P3H2: variants seen among roughly 807,000 people sequenced by gnomAD.
The protein encoded by P3H2 is prolyl 3-hydroxylase 2.
In P3H2, 80 loss-of-function variants were observed where a neutral mutation model predicts 87.0. The ratio of observed to expected loss-of-function variants is 0.92; its 90% CI spans 0.77 to 1.11. P3H2 has a LOEUF of 1.11. P3H2 is among the 50% of genes least tolerant of loss of function. P3H2 has a pLI of 0.00. For missense variants in P3H2, 1,001 were observed against 923.9 expected, an observed-to-expected ratio of 1.08 and a Z score of -1.08; for synonymous variants, 367 against 359.3, an observed-to-expected ratio of 1.02 and a Z score of -0.24.
chr3:189,962,747 G>T (rs1180271702), intron 14 of P3H2, among the ~76,000 whole-genome samples: 1 of 152,178 alleles, frequency 6.6e-6, no homozygotes, highest in East Asian at 1.9e-4. Flanking sequence ...GTGAAAGAAT[G>T]GCTTAGGGAA....
intron 3 of P3H2, among the ~76,000 whole-genome samples, chr3:189,993,073 A>T (rs1051154196): frequency 1.3e-5 from 2 of 152,142 alleles, no homozygotes; most frequent in Non-Finnish European, 2.9e-5. Context: ...CCGTAATCCC[A>T]GTACTTTGGG....
intron 1 of P3H2, among the ~76,000 whole-genome samples, chr3:190,058,309 T>C (rs1372972687): frequency 1.3e-5 from 2 of 152,140 alleles, no homozygotes; most frequent in Non-Finnish European, 2.9e-5. Context: ...TTGTTTCCTA[T>C]AGATCAATTT....
intron 10 of P3H2, among the ~76,000 whole-genome samples, chr3:189,973,491 TTTTCTTTC>T (rs201158680): frequency 5.8e-5 from 6 of 102,614 alleles, no homozygotes; most frequent in African/African-American, 1.4e-4. Context: ...TTCAAAACTT[TTTTCTTTC>T]TTTCTTTCTT....
In P3H2 at chr3:189,964,408, C is replaced by T. The variant is rs112363954; in HGVS notation, c.1894-310G>A. 9.2e-3 allele frequency among the ~76,000 whole-genome samples: 1,390 copies of T among 151,766 alleles called. 17 individuals carry two copies. The highest frequency in any genetic ancestry group is 0.032 in the African/African-American group (1,334 of 41,426). ...GCAAATTCAAAGAAGGCAAAGTTTTCCTCTCATAATTCATTTCTGTAGCTT... is the reference window on the plus strand; with the variant it reads ...GCAAATTCAAAGAAGGCAAAGTTTTTCTCTCATAATTCATTTCTGTAGCTT... On this transcript the variant is annotated intron_variant, in intron 13 of 14. Transcript: ENST00000319332.
rs544359170 is a variant in P3H2, at chr3:190,088,594, A to G, written c.480+31658T>C. On this transcript the variant is annotated intron_variant, in intron 1 of 14. Coordinates refer to ENST00000319332, the MANE Select transcript of P3H2 (RefSeq NM_018192.4). ...GATGGTACTTGATAACTGAATTATT[A>G]GGGTCAAAATTAATAGAACATTAAC... is the stretch of plus-strand genomic sequence containing the variant. Among the ~76,000 whole-genome samples, 3 of 152,332 alleles carry G rather than the reference A, an allele frequency of 2.0e-5. No individual in the cohort carries two copies. The South Asian group carries it at 6.2e-4, about 32-fold the overall frequency.
In P3H2 at chr3:190,041,031, TATATATACACACACAC is replaced by T. The variant is rs1442785378; in HGVS notation, c.481-45605_481-45590del. 5.8e-5 allele frequency among the ~76,000 whole-genome samples: 3 copies of T among 51,686 alleles called. 1 individual carries two copies. Among genetic ancestry groups the T allele is most frequent in the East Asian group, 2.8e-3 (2 of 706 alleles). 33.9% of individuals were successfully genotyped at this position (51,686 alleles called of 152,430 possible). ...AAACCATGGCTCTACTATATATATA[TATATATACACACACAC>T]ACACACACACACACACACACACACA... On this transcript the variant is annotated intron_variant, in intron 1 of 14. Coordinates refer to ENST00000319332, the MANE Select transcript of P3H2 (RefSeq NM_018192.4).
intron 1 of P3H2, among the ~76,000 whole-genome samples, chr3:190,069,949 AG>A: frequency 6.6e-6 from 1 of 151,320 alleles, no homozygotes; most frequent in Non-Finnish European, 1.5e-5. Context: ...AGTGTAGACA[AG>A]TTTTTTTTTT....
chr3:190,113,328 C>T (rs1712146861), intron 1 of P3H2, among the ~76,000 whole-genome samples: 1 of 152,174 alleles, frequency 6.6e-6, no homozygotes. Context: ...TCTTTGAGGG[C>T]TCTTTCAAGC....
intron 8 of P3H2, among the ~76,000 whole-genome samples, chr3:189,974,919 T>A (rs1322597308): frequency 6.6e-6 from 1 of 152,208 alleles, no homozygotes; most frequent in South Asian, 2.1e-4. Flanking sequence ...CGTACATTAT[T>A]TTGGGAGAGA....
At chr3:190,087,413 G>A (rs966595920) in intron 1 of P3H2, among the ~76,000 whole-genome samples, 7 of 151,584 alleles carry the variant, frequency 4.6e-5, no homozygotes, top group Non-Finnish European at 8.8e-5. Context: ...GTGTGGTGGC[G>A]GGCGCCTGTA....
intron 1 of P3H2, among the ~76,000 whole-genome samples, chr3:190,075,363 T>TAATC (rs1726837175): frequency 6.6e-6 from 1 of 151,670 alleles, no homozygotes; most frequent in Non-Finnish European, 1.5e-5. Flanking sequence ...TGGGCACATG[T>TAATC]AATCCCAGCT....
intron 1 of P3H2, among the ~76,000 whole-genome samples, chr3:190,103,200 G>A (rs1050449018): frequency 1.3e-5 from 2 of 152,178 alleles, no homozygotes; most frequent in African/African-American, 4.8e-5. Context: ...CTAAATAACT[G>A]TGTAAAATCA....
chr3:190,043,024 C>T (rs1338893189), intron 1 of P3H2, among the ~76,000 whole-genome samples: 2 of 151,970 alleles, frequency 1.3e-5, no homozygotes, highest in Admixed American at 6.6e-5. Flanking sequence ...GAACAGAGTA[C>T]CATACATGGC....
chr3:190,011,291 G>C (rs889550688), intron 1 of P3H2, among the ~76,000 whole-genome samples: 1 of 147,938 alleles, frequency 6.8e-6, no homozygotes, highest in Non-Finnish European at 1.5e-5. Flanking sequence ...AAAAAAAATA[G>C]AGTTTCATGC....
rs1435022340 is a variant in P3H2, at chr3:190,041,035, TATACACACACACACACACACACACAC to T, written c.481-45619_481-45594del. The stretch of plus-strand genomic sequence containing the variant: ...CATGGCTCTACTATATATATATATA[TATACACACACACACACACACACACAC>T]ACACACACACACACACACACTCTCT... On this transcript the variant is annotated intron_variant, in intron 1 of 14. Transcript: ENST00000319332. 4.9e-3 allele frequency among the ~76,000 whole-genome samples: 194 copies of T among 39,800 alleles called. 11 individuals carry two copies. The highest frequency in any genetic ancestry group is 0.026 in the African/African-American group (190 of 7,364). 26.1% of individuals were successfully genotyped at this position (39,800 alleles called of 152,430 possible).
At chr3:190,065,914 G>A (rs1017699327) in intron 1 of P3H2, among the ~76,000 whole-genome samples, 5 of 151,950 alleles carry the variant, frequency 3.3e-5, no homozygotes, top group Non-Finnish European at 5.9e-5. Context: ...CACTATTGTC[G>A]TTCAGGTAGA....
chr3:190,037,600 G>C (rs941447677), intron 1 of P3H2, among the ~76,000 whole-genome samples: 14 of 152,006 alleles, frequency 9.2e-5, no homozygotes, highest in Admixed American at 6.6e-4. Context: ...ATGACTCTCT[G>C]TTTTCTTTTT....
At chr3:189,958,036 A>G (rs1722694674) in intron 14 of P3H2, 32 bp from the exon 15 acceptor site, 2 of 1,508,856 alleles carry the variant, frequency 1.3e-6, no homozygotes, top group Non-Finnish European at 1.8e-6. Flanking sequence ...CATTTCTGTT[A>G]CAAGCATAAT....
At chr3:190,116,796 CA>C (rs959108869) in intron 1 of P3H2, 4 of 152,152 alleles carry the variant, frequency 2.6e-5, no homozygotes, top group African/African-American at 9.7e-5. Flanking sequence ...TGATAAAAAT[CA>C]AAAGTTTGAA....
Sources: allele counts gnomAD v4.1 joint callset (sites outside exome capture counted in the v4.1 genomes callset), GRCh38; gene constraint gnomAD v4.1.1; transcripts MANE v1.5; gene names NCBI Gene and HGNC (gene_info 2026-07-23, HGNC 2026-07-21).